CACNG7: variants seen among roughly 807,000 people sequenced by gnomAD.
CACNG7 encodes voltage-dependent calcium channel gamma-7 subunit.
Under a neutral mutation model 26.3 loss-of-function variants are expected in CACNG7, and 9 were observed. That is an observed-to-expected ratio of 0.34 (90% CI 0.21 to 0.60). CACNG7 has a LOEUF of 0.60. CACNG7 is among the 20% of genes least tolerant of loss of function. The probability of loss-of-function intolerance (pLI) is 0.81; values close to 1 mark genes in which losing one functional copy is unlikely to be tolerated. For missense variants in CACNG7, 297 were observed against 380.4 expected (o/e 0.78, Z 1.82); for synonymous variants, 170 against 157.0 (o/e 1.08, Z -0.62).
At chr19:53,930,588 T>C (rs2069065192) in intron 4 of CACNG7, among the ~76,000 whole-genome samples, 1 of 152,168 alleles carries the variant, frequency 6.6e-6, no homozygotes, top group Non-Finnish European at 1.5e-5. Flanking sequence ...TTAGCCAGGA[T>C]GGTCTTGAAC....
In CACNG7 at chr19:53,942,494, C is replaced by T; in HGVS notation, c.*201C>T. On this transcript the variant is annotated 3_prime_UTR_variant, in exon 6 of 6. Transcript: ENST00000391767. This position sits in a 1 kb window ranked among gnomAD's most constrained non-coding sequence, Gnocchi z 5.9. The stretch of plus-strand genomic sequence containing the variant: ...AATGGCCGCGCCCTCTTTTCCCGAC[C>T]TCTCCTTTTCATTGGTCCCTCTCAC... 7.0e-7 allele frequency: 1 copy of T among 1,425,206 alleles called. No individual in the cohort carries two copies. Among genetic ancestry groups the T allele is most frequent in the South Asian group, 1.5e-5 (1 of 65,448 alleles). The allele number at this position is 1,425,206 out of a possible 1,614,324, so 88.3% of individuals were successfully genotyped here.
chr19:53,912,798 C>T lies in CACNG7; in HGVS notation c.-29-5C>T. Reference sequence around the variant, plus strand: ...GAGCTCTGCACTGTAGCTTCCCTTCCACAGGCCCCGCAGGGCGCCCCCTGC... The same window carrying T: ...GAGCTCTGCACTGTAGCTTCCCTTCTACAGGCCCCGCAGGGCGCCCCCTGC... On this transcript the variant is annotated splice_polypyrimidine_tract_variant and splice_region_variant and intron_variant, in intron 1 of 5. Transcript: ENST00000391767. The surrounding 1 kb of genome is among the most constrained non-coding windows in gnomAD (Gnocchi z 4.6). The T allele has an allele frequency of 6.2e-7, 1 of 1,606,528 alleles. No homozygotes were observed. Among genetic ancestry groups the T allele is most frequent in the Non-Finnish European group, 8.5e-7 (1 of 1,178,896 alleles).
Position 53,940,191 on chromosome 19 carries a change from C to T in CACNG7, c.425-1279C>T, listed in dbSNP as rs577542974. On this transcript the variant is annotated intron_variant, in intron 4 of 5. Coordinates refer to ENST00000391767, the MANE Select transcript of CACNG7 (RefSeq NM_031896.5). The surrounding 1 kb of genome is among the most constrained non-coding windows in gnomAD (Gnocchi z 4.1). Reference sequence around the variant, plus strand: ...AATTTCATCTGGAGAAAATGATAATCGCCTCTTAGAAATTCTCAGATTGGA... The same window carrying T: ...AATTTCATCTGGAGAAAATGATAATTGCCTCTTAGAAATTCTCAGATTGGA... Among the ~76,000 whole-genome samples, 6 of 152,256 alleles carry T rather than the reference C, an allele frequency of 3.9e-5. No homozygotes were observed. In the South Asian group the frequency reaches 1.0e-3, roughly 26 times the overall value.
intron 4 of CACNG7, among the ~76,000 whole-genome samples, chr19:53,918,598 G>T (rs1387821309): frequency 6.6e-6 from 1 of 152,040 alleles, no homozygotes; most frequent in South Asian, 2.1e-4. Context: ...TAAAGCATCC[G>T]ACCCACTGCC....
At position 53,939,439 on chromosome 19, in the gene CACNG7, C is replaced by CCCCCTCCATCCTATTCCCCTCCAT. The variant is rs2069124745; in HGVS notation, c.425-2013_425-2012insCTCCATCCCCTCCATCCTATTCCC. On this transcript the variant is annotated intron_variant, in intron 4 of 5. Coordinates refer to ENST00000391767, the MANE Select transcript of CACNG7 (RefSeq NM_031896.5). The surrounding 1 kb of genome is among the most constrained non-coding windows in gnomAD (Gnocchi z 4.2). Reference sequence around the variant, plus strand: ...ACACCTTAGCAGCCAGACACAATTTCCCCCTCCATCCTATTCCCTGGCAAC... The same window carrying CCCCCTCCATCCTATTCCCCTCCAT: ...ACACCTTAGCAGCCAGACACAATTTCCCCCTCCATCCTATTCCCCTCCATCCCCTCCATCCTATTCCCTGGCAAC... 1.3e-5 allele frequency among the ~76,000 whole-genome samples: 2 copies of CCCCCTCCATCCTATTCCCCTCCAT among 152,100 alleles called. No homozygotes were observed. The highest frequency in any genetic ancestry group is 4.8e-5 in the African/African-American group (2 of 41,412).
At chr19:53,917,094 G>A (rs1381760062) in intron 4 of CACNG7, among the ~76,000 whole-genome samples, 2 of 152,108 alleles carry the variant, frequency 1.3e-5, no homozygotes, top group African/African-American at 2.4e-5. Flanking sequence ...CACTGTGCCT[G>A]GCCTAAAGCT....
chr19:53,922,913 G>C (rs1254537731), intron 4 of CACNG7, among the ~76,000 whole-genome samples: 1 of 85,138 alleles, frequency 1.2e-5, no homozygotes, highest in Non-Finnish European at 2.0e-5. Flanking sequence ...CCCCAGGCCT[G>C]GTCATTGGTG....
intron 4 of CACNG7, among the ~76,000 whole-genome samples, chr19:53,925,154 T>A (rs150219992): frequency 1.9e-4 from 19 of 101,664 alleles, no homozygotes; most frequent in African/African-American, 1.0e-3. Context: ...ATTGGTGGAC[T>A]TGCCCCAGGT....
chr19:53,936,754 A>G (rs538524091), intron 4 of CACNG7, among the ~76,000 whole-genome samples: 1 of 152,234 alleles, frequency 6.6e-6, no homozygotes, highest in East Asian at 1.9e-4. Flanking sequence ...GATTACAGGC[A>G]CCCACCACCA....
chr19:53,943,629 A>AGGGTG lies in CACNG7; in HGVS notation c.*1345_*1349dup, dbSNP rs2069153409. ...GGGAGGGGGGCACTGGGGTGGGGAC[A>AGGGTG]GGGTGGGGTGGGGGGCCTGGCTCTG... On this transcript the variant is annotated 3_prime_UTR_variant, in exon 6 of 6. Coordinates refer to ENST00000391767, the MANE Select transcript of CACNG7 (RefSeq NM_031896.5). 1 of 7,580 alleles carries AGGGTG rather than the reference A, an allele frequency of 1.3e-4. No homozygotes were observed. Among genetic ancestry groups the AGGGTG allele is most frequent in the Admixed American group, 1.8e-3 (1 of 556 alleles). The allele number at this position is 7,580 out of a possible 1,614,324, so 0.5% of individuals were successfully genotyped here.
chr19:53,925,634 G>C (rs1331253844), intron 4 of CACNG7, among the ~76,000 whole-genome samples: 2 of 152,218 alleles, frequency 1.3e-5, no homozygotes, highest in African/African-American at 4.8e-5. Flanking sequence ...TGGTGGAGTT[G>C]GCATTCAATT....
intron 4 of CACNG7, among the ~76,000 whole-genome samples, chr19:53,920,485 GC>G (rs2068935435): frequency 2.4e-5 from 1 of 41,212 alleles, no homozygotes; most frequent in Non-Finnish European, 4.0e-5. Flanking sequence ...TGGTGGAGTT[GC>G]CCCAGGTCTG....
intron 4 of CACNG7, among the ~76,000 whole-genome samples, chr19:53,929,122 C>CA (rs1297562260): frequency 0.037 from 1,884 of 50,486 alleles, 36 homozygotes; most frequent in African/African-American, 0.088. Context: ...AAAAAAAAAA[C>CA]AAAAAAAAAA....
rs1555809767 is a variant in CACNG7 at position 53,914,282 on chromosome 19, A to AAAAAAAG, written c.197-213_197-212insAGAAAAA. ...GAGTGAGACTCCATCTCAAAAAAAAAAAAAAGAAAAAAAGAAAAAGAAAAG... is the reference window on the plus strand; with the variant it reads ...GAGTGAGACTCCATCTCAAAAAAAAAAAAAAAGAAAAAGAAAAAAAGAAAAAGAAAAG... On this transcript the variant is annotated intron_variant, in intron 2 of 5. Coordinates refer to ENST00000391767, the MANE Select transcript of CACNG7 (RefSeq NM_031896.5). Among the ~76,000 whole-genome samples the AAAAAAAG allele has an allele frequency of 8.1e-5, 11 of 136,278 alleles. No homozygotes were observed. The South Asian group carries it at 2.0e-3, about 25-fold the overall frequency. The allele number at this position is 136,278 out of a possible 152,430, so 89.4% of individuals were successfully genotyped here. A position where few individuals can be genotyped will look rare whatever the true frequency, so the allele number is the denominator to read the frequency against.
chr19:53,933,721 G>C (rs1599997430), intron 4 of CACNG7, among the ~76,000 whole-genome samples: 1 of 142,634 alleles, frequency 7.0e-6, no homozygotes, highest in African/African-American at 2.6e-5. Flanking sequence ...ACATCCTGCT[G>C]TGTCTATTAC....
chr19:53,940,077 G>A lies in CACNG7; in HGVS notation c.425-1393G>A, dbSNP rs1309910379. Among the ~76,000 whole-genome samples, 1 of 152,164 alleles carries A rather than the reference G, an allele frequency of 6.6e-6. No homozygotes were observed. Among genetic ancestry groups the A allele is most frequent in the East Asian group, 1.9e-4 (1 of 5,184 alleles). On this transcript the variant is annotated intron_variant, in intron 4 of 5. Coordinates refer to ENST00000391767, the MANE Select transcript of CACNG7 (RefSeq NM_031896.5). This position sits in a 1 kb window ranked among gnomAD's most constrained non-coding sequence, Gnocchi z 4.1. Reference sequence around the variant, plus strand: ...CACAGAATGTAGGATTCTAGGGGAAGAGGTTGATAGGGATTAGTTAGATAC... The same window carrying A: ...CACAGAATGTAGGATTCTAGGGGAAAAGGTTGATAGGGATTAGTTAGATAC...
intron 4 of CACNG7, among the ~76,000 whole-genome samples, chr19:53,923,634 G>T (rs1315717001): frequency 2.8e-5 from 4 of 141,078 alleles, no homozygotes; most frequent in African/African-American, 1.0e-4. Context: ...AGTTGTCCCA[G>T]GTCTGGTCAT....
intron 3 of CACNG7, among the ~76,000 whole-genome samples, chr19:53,915,089 A>G (rs1182927268): frequency 6.6e-6 from 1 of 151,628 alleles, no homozygotes. Context: ...AGCAAGGTTG[A>G]AGGGGTGAGG....
chr19:53,915,430 A>G lies in CACNG7; in HGVS notation c.349A>G (p.Ile117Val). The G allele has an allele frequency of 6.2e-7, 1 of 1,613,680 alleles. No homozygotes were observed. Among genetic ancestry groups the G allele is most frequent in the South Asian group, 1.1e-5 (1 of 91,072 alleles). Reference sequence around the variant, plus strand: ...CTTCCTCGTGTTCACGGCCTTCGTCATCAGCAACATCGGCCACATCCGCCC... The same window carrying G: ...CTTCCTCGTGTTCACGGCCTTCGTCGTCAGCAACATCGGCCACATCCGCCC... ...SLFLVFTAFV[I>V]SNIGHIRPQR... Residue 117 changes from isoleucine to valine, a missense_variant, in exon 4 of 6, where the codon ATC becomes GTC. Ile to Val is a conservative substitution (Grantham distance 29). Coordinates refer to ENST00000391767, the MANE Select transcript of CACNG7 (RefSeq NM_031896.5).
Sources: allele counts gnomAD v4.1 joint callset (sites outside exome capture counted in the v4.1 genomes callset), GRCh38; gene constraint gnomAD v4.1.1; non-coding constraint Gnocchi (gnomAD v3.1); transcripts MANE v1.5; gene names NCBI Gene and HGNC (gene_info 2026-07-23, HGNC 2026-07-21).